The following RBCK1 variants were observed in gnomAD, a reference collection of about 807,000 sequenced individuals.
RBCK1 encodes the protein RANBP2-type and C3HC4-type zinc finger containing 1.
RBCK1 carries 44 observed loss-of-function variants against 71.1 expected under a neutral mutation model. The ratio of observed to expected loss-of-function variants is 0.62; its 90% CI spans 0.49 to 0.80. The LOEUF (loss-of-function observed/expected upper bound fraction) is 0.80. Among genes scored for constraint, RBCK1 ranks in the 30% least tolerant of loss-of-function variants. The pLI, the probability that RBCK1 is intolerant of heterozygous loss-of-function variation, is 0.00. For missense variants in RBCK1, 569 were observed against 685.0 expected, an observed-to-expected ratio of 0.83 and a Z score of 1.89; for synonymous variants, 306 against 279.7, an observed-to-expected ratio of 1.09 and a Z score of -0.94.
chr20:430,699 C>G lies in RBCK1; in HGVS notation c.*269C>G, dbSNP rs1454032335. The G allele has an allele frequency of 1.9e-5, 10 of 519,888 alleles. No individual in the cohort carries two copies. The highest frequency in any genetic ancestry group is 3.8e-5 in the African/African-American group (2 of 51,954). The allele number at this position is 519,888 out of a possible 1,614,324, so 32.2% of individuals were successfully genotyped here. A position where few individuals can be genotyped will look rare whatever the true frequency, so the allele number is the denominator to read the frequency against. On this transcript the variant is annotated 3_prime_UTR_variant, in exon 12 of 12. Transcript: ENST00000356286. This position sits in a 1 kb window ranked among gnomAD's most constrained non-coding sequence, Gnocchi z 5.6. ...CCAGAGGCCTTGCTGGGTGGAGCCT[C>G]TGTGTGACTCCATACTCCTCCCACC...
At position 411,596 on chromosome 20, in the gene RBCK1, T is replaced by C. The variant is rs576091696; in HGVS notation, c.167+1571T>C. Reference sequence around the variant, plus strand: ...GTTAACCAGGATGGTCTCCATCTCCTGACCTCGTGATCCGCCCGCCTATGC... The same window carrying C: ...GTTAACCAGGATGGTCTCCATCTCCCGACCTCGTGATCCGCCCGCCTATGC... On this transcript the variant is annotated intron_variant, in intron 2 of 11. Transcript: ENST00000356286. Among the ~76,000 whole-genome samples, 129 of 152,178 alleles carry C rather than the reference T, an allele frequency of 8.5e-4. 1 individual carries two copies. Among genetic ancestry groups the C allele is most frequent in the Admixed American group, 2.7e-3 (41 of 15,288 alleles).
At chr20:412,643 G>A (rs2015775698) in intron 2 of RBCK1, among the ~76,000 whole-genome samples, 1 of 152,160 alleles carries the variant, frequency 6.6e-6, no homozygotes, top group Admixed American at 6.5e-5. Flanking sequence ...ATATTGAGTT[G>A]TAGGAGTACT....
At chr20:408,890 TC>T in intron 1 of RBCK1, 111 bp downstream of exon 1, 1 of 1,273,674 alleles carries the variant, frequency 7.9e-7, no homozygotes, top group Non-Finnish European at 1.1e-6. Flanking sequence ...TAGCCTGCCC[TC>T]CCTCTACCCT....
intron 2 of RBCK1, chr20:410,494 A>T (rs778602283): frequency 2.2e-5 from 17 of 779,498 alleles, no homozygotes; most frequent in Middle Eastern, 2.2e-4. Context: ...ACCCCTCCAC[A>T]CTCTTCTAAA....
chr20:424,529 A>T (rs1239841019), intron 8 of RBCK1, among the ~76,000 whole-genome samples: 1 of 134,160 alleles, frequency 7.5e-6, no homozygotes, highest in African/African-American at 3.1e-5. Context: ...GCCCCTGGGG[A>T]AAAGGGGGAG....
rs1213305711 is a variant in RBCK1 at position 417,978 on chromosome 20, T to C, written c.460+48T>C. ...GCCGGACCCAGCGGGGGCCCTGGAC[T>C]CACTTGAGGGCATAGGGCAAGCAGG... On this transcript the variant is annotated intron_variant, in intron 4 of 11. Transcript: ENST00000356286. The surrounding 1 kb of genome is among the most constrained non-coding windows in gnomAD (Gnocchi z 4.7). 2 of 1,557,762 alleles carry C rather than the reference T, an allele frequency of 1.3e-6. No homozygotes were observed. The highest frequency in any genetic ancestry group is 3.6e-5 in the Admixed American group (2 of 55,984).
Position 427,425 on chromosome 20 carries a change from T to G in RBCK1, c.1142T>G (p.Phe381Cys). Residue 381 changes from phenylalanine (F) to cysteine (C), a missense_variant, in exon 9 of 12, where the codon TTC (phenylalanine) becomes TGC (cysteine). Transcript: ENST00000356286. ...CKTPDCKGWC[F>C]FEDDVNEFTC... Reference sequence around the variant, plus strand: ...ACCCCAGATTGCAAGGGATGGTGCTTCTTTGAGGATGATGTCAATGAGTTC... The same window carrying G: ...ACCCCAGATTGCAAGGGATGGTGCTGCTTTGAGGATGATGTCAATGAGTTC... 1.2e-6 allele frequency: 2 copies of G among 1,614,148 alleles called. No individual in the cohort carries two copies. The highest frequency in any genetic ancestry group is 1.7e-6 in the Non-Finnish European group (2 of 1,180,030).
Position 417,541 on chromosome 20 carries a change from G to A in RBCK1, c.183G>A (p.Val61=). 6.2e-7 allele frequency: 1 copy of A among 1,613,584 alleles called. No individual in the cohort carries two copies. Among genetic ancestry groups the A allele is most frequent in the Non-Finnish European group, 8.5e-7 (1 of 1,180,012 alleles). ...PTQDIRLWVS[V]EDAQMHTVTI... ...TTCTCTGCAGGCTGTGGGTGAGCGT[G>A]GAGGATGCTCAGATGCACACCGTCA... is the stretch of plus-strand genomic sequence containing the variant. The change falls in exon 3 of 12, where the codon GTG becomes GTA. Residue 61 remains valine (V), a synonymous_variant. Transcript: ENST00000356286. The surrounding 1 kb of genome is among the most constrained non-coding windows in gnomAD (Gnocchi z 4.7).
At chr20:427,531 A>T (rs773805974) in intron 9 of RBCK1, 39 bp downstream of exon 9, 1 of 1,606,902 alleles carries the variant, frequency 6.2e-7, no homozygotes, top group South Asian at 1.1e-5. Flanking sequence ...AGTCACTGTC[A>T]TCTTGCCTGG....
chr20:420,073 C>T (rs1380990663), intron 6 of RBCK1: 3 of 981,462 alleles, frequency 3.1e-6, no homozygotes, highest in African/African-American at 1.8e-5. Context: ...CCCCAGCACC[C>T]TAGCCATGAC....
chr20:408,767 A>T lies in RBCK1; in HGVS notation c.10A>T (p.Lys4Ter). Residue 4 changes from lysine to a stop codon, truncating the protein, a stop_gained, in exon 1 of 12, where the codon AAG becomes TAG. Transcript: ENST00000356286. LOFTEE classifies it high-confidence loss of function. ...GGCACAGCCACGCCAGATGGACGAG[A>T]AGACCAAGAAAGGTGGGCACAGGCT... MDE[K>*]TKKAEEMALS... 1 of 1,611,978 alleles carries T rather than the reference A, an allele frequency of 6.2e-7. No homozygotes were observed. Among genetic ancestry groups the T allele is most frequent in the Non-Finnish European group, 8.5e-7 (1 of 1,179,240 alleles).
At chr20:421,054 C>G (rs1161650979) in intron 7 of RBCK1, 23 bp downstream of exon 7, 3 of 1,520,432 alleles carry the variant, frequency 2.0e-6, no homozygotes, top group East Asian at 2.5e-5. Context: ...GTCCCACCCC[C>G]GGCAATGCAG....
Position 428,126 on chromosome 20 carries a change from C to A in RBCK1, c.1210-365C>A, listed in dbSNP as rs1228666705. Reference sequence around the variant, plus strand: ...AGCCTGAGCAAGCTCAGTCTGGGGTCATTGGGCCTGTAACCCCGGGCAGGC... The same window carrying A: ...AGCCTGAGCAAGCTCAGTCTGGGGTAATTGGGCCTGTAACCCCGGGCAGGC... On this transcript the variant is annotated intron_variant, in intron 9 of 11. Coordinates refer to ENST00000356286, the MANE Select transcript of RBCK1 (RefSeq NM_031229.4). The surrounding 1 kb of genome is among the most constrained non-coding windows in gnomAD (Gnocchi z 5.7). 1.3e-5 allele frequency among the ~76,000 whole-genome samples: 2 copies of A among 152,202 alleles called. No homozygotes were observed. The highest frequency in any genetic ancestry group is 3.9e-4 in the East Asian group (2 of 5,188).
intron 4 of RBCK1, among the ~76,000 whole-genome samples, chr20:418,436 T>C (rs1326364561): frequency 1.3e-5 from 2 of 152,060 alleles, no homozygotes; most frequent in Non-Finnish European, 2.9e-5. Flanking sequence ...TGGCACAATC[T>C]CGGCTCACTG....
intron 1 of RBCK1, 123 bp downstream of exon 1, chr20:408,902 C>T (rs1284689098): frequency 1.7e-6 from 2 of 1,178,702 alleles, no homozygotes; most frequent in East Asian, 5.2e-5. Flanking sequence ...CCTCTACCCT[C>T]CTCCCCATCA....
rs1568557687 is a variant in RBCK1, at chr20:419,627, C to G, written c.652C>G (p.Arg218Gly). 1.3e-6 allele frequency: 2 copies of G among 1,591,772 alleles called. No individual in the cohort carries two copies. The highest frequency in any genetic ancestry group is 1.7e-4 in the Middle Eastern group (1 of 5,992). The change falls in exon 6 of 12, where the codon CGG becomes GGG. Residue 218 changes from arginine (R) to glycine (G), a missense_variant. Transcript: ENST00000356286. Reference protein sequence around the residue: ...PTRPGCEMCCRARPEAYQVPA... With the variant: ...PTRPGCEMCCGARPEAYQVPA... ...GCGGCCTGGCTGTGAGATGTGCTGC[C>G]GGGCGCGCCCCGAGGCCTACCAGGT... is the stretch of plus-strand genomic sequence containing the variant.
Position 408,439 on chromosome 20 carries a change from G to A in RBCK1, c.-319G>A, listed in dbSNP as rs528404011. The A allele has an allele frequency of 4.3e-5, 21 of 488,798 alleles. 1 individual carries two copies. Among genetic ancestry groups the A allele is most frequent in the South Asian group, 4.3e-4 (17 of 39,788 alleles). The allele number at this position is 488,798 out of a possible 1,614,324, so 30.3% of individuals were successfully genotyped here. On this transcript the variant is annotated 5_prime_UTR_variant, in exon 1 of 12. Coordinates refer to ENST00000356286, the MANE Select transcript of RBCK1 (RefSeq NM_031229.4). ...GGTCCTCCGGGACTTGGAACGCCCC[G>A]GCTGGGTGGTGTCCGGGCGTCCTTT...
intron 1 of RBCK1, 107 bp downstream of exon 1, chr20:408,886 G>GCCCTCCCTCTACCCTCCTC (rs2015532194): frequency 1.5e-6 from 2 of 1,305,520 alleles, no homozygotes; most frequent in Admixed American, 4.9e-5. Flanking sequence ...GCTTTAGCCT[G>GCCCTCCCTCTACCCTCCTC]CCCTCCCTCT....
rs1006815333 is a variant in RBCK1 at position 430,563 on chromosome 20, C to T, written c.*133C>T. 3.9e-5 allele frequency: 33 copies of T among 853,160 alleles called. No homozygotes were observed. The highest frequency in any genetic ancestry group is 2.7e-4 in the Middle Eastern group (1 of 3,714). 52.8% of individuals were successfully genotyped at this position (853,160 alleles called of 1,614,324 possible). ...GCCCTGCCTGCACTGCGGTTGTCCA[C>T]GGTCACATCTGCCCCAGTGCCTTTG... is the stretch of plus-strand genomic sequence containing the variant. On this transcript the variant is annotated 3_prime_UTR_variant, in exon 12 of 12. Transcript: ENST00000356286. This position sits in a 1 kb window ranked among gnomAD's most constrained non-coding sequence, Gnocchi z 5.6.
Sources: allele counts gnomAD v4.1 joint callset (sites outside exome capture counted in the v4.1 genomes callset), GRCh38; gene constraint gnomAD v4.1.1; non-coding constraint Gnocchi (gnomAD v3.1); transcripts MANE v1.5; gene names NCBI Gene and HGNC (gene_info 2026-07-23, HGNC 2026-07-21).